MSH6: variants seen among roughly 807,000 people sequenced by gnomAD.
MSH6 encodes mutS homolog 6, also known as DNA mismatch repair protein Msh6.
MSH6 carries 85 observed loss-of-function variants against 119.1 expected under a neutral mutation model. The observed-to-expected ratio is 0.71, with a 90% CI of 0.60 to 0.85. MSH6 has a LOEUF of 0.85. MSH6 is among the 40% of genes least tolerant of loss of function. The pLI, the probability that MSH6 is intolerant of heterozygous loss-of-function variation, is 0.00. For missense variants in MSH6, 2,163 were observed against 1,655.3 expected (o/e 1.31, Z -5.32); for synonymous variants, 830 against 586.9 (o/e 1.41, Z -5.99).
downstream of MSH6, chr2:47,806,965 T>TTTTC: frequency 1.1e-6 from 1 of 911,410 alleles, no homozygotes; most frequent in Admixed American, 2.0e-5. Flanking sequence ...CATTTTTCCA[T>TTTTC]TTTCTTTCTA....
chr2:47,788,922 GTTTTTTTTTTTT>G (rs1558650240), intron 1 of MSH6, among the ~76,000 whole-genome samples: 812 of 40,962 alleles, frequency 0.02, 13 homozygotes, highest in Non-Finnish European at 0.025. Flanking sequence ...TTTTTTTTTT[GTTTTTTTTTTTT>G]TTTTTTTTTT....
chr2:47,783,971 G>C lies in MSH6; in HGVS notation c.260+478G>C, dbSNP rs531348092. ...GAACGGGGAGAGTCCGGTGGTGTGG[G>C]GTGCGAAAGGAGGTTCCTCGGCCGG... On this transcript the variant is annotated intron_variant, in intron 1 of 9. Transcript: ENST00000234420. 354 of 1,038,530 alleles carry C rather than the reference G, an allele frequency of 3.4e-4. 5 individuals are homozygous for C. The East Asian group carries it at 0.018, about 52-fold the overall frequency. 64.3% of individuals were successfully genotyped at this position (1,038,530 alleles called of 1,614,324 possible).
Position 47,798,505 on chromosome 2 carries a change from C to G in MSH6, c.628-106C>G, listed in dbSNP as rs1458768173. ...CTGTACTAAAAATGAAAAACAGTGG[C>G]TGCACGGGTACCATTATAAAGTCAA... On this transcript the variant is annotated intron_variant, in intron 3 of 9. Transcript: ENST00000234420. The G allele has an allele frequency of 1.1e-5, 12 of 1,140,874 alleles. No homozygotes were observed. The East Asian group carries it at 2.0e-4, about 19-fold the overall frequency. The allele number at this position is 1,140,874 out of a possible 1,614,324, so 70.7% of individuals were successfully genotyped here.
intron 2 of MSH6, among the ~76,000 whole-genome samples, chr2:47,791,396 C>G (rs971928452): frequency 2.6e-5 from 4 of 152,052 alleles, no homozygotes; most frequent in Admixed American, 1.3e-4. Flanking sequence ...ACTAAACTGT[C>G]CCCCCATCTT....
chr2:47,807,663 A>T, downstream of MSH6: 1 of 163,420 alleles, frequency 6.1e-6, no homozygotes, highest in Non-Finnish European at 1.2e-5. Flanking sequence ...ATCTGAATAC[A>T]TGTTAAAAAA....
At chr2:47,797,083 G>A (rs1669142261) in intron 3 of MSH6, among the ~76,000 whole-genome samples, 1 of 152,156 alleles carries the variant, frequency 6.6e-6, no homozygotes, top group South Asian at 2.1e-4. Context: ...ACACAAATTT[G>A]TAAACTTTCT....
chr2:47,804,464 A>C (rs1206548937), intron 5 of MSH6, among the ~76,000 whole-genome samples: 4 of 152,070 alleles, frequency 2.6e-5, no homozygotes, highest in Non-Finnish European at 5.9e-5. Flanking sequence ...AGAGAGAGGC[A>C]GTATAGTGTG....
downstream of MSH6, chr2:47,808,326 T>C: frequency 6.2e-7 from 1 of 1,612,518 alleles, no homozygotes; most frequent in Non-Finnish European, 8.5e-7. Context: ...GTGTGCTACA[T>C]ACCTATCATG....
At chr2:47,783,565 T>G (rs2103947773) in intron 1 of MSH6, 72 bp downstream of exon 1, 14 of 1,267,620 alleles carry the variant, frequency 1.1e-5, no homozygotes, top group South Asian at 3.3e-5. Context: ...GAGGGGAGGC[T>G]CGCACAGGGG....
chr2:47,794,603 T>A (rs919941224), intron 2 of MSH6, among the ~76,000 whole-genome samples: 5 of 151,920 alleles, frequency 3.3e-5, no homozygotes, highest in Non-Finnish European at 7.4e-5. Context: ...ACGAACTGTT[T>A]TGAGAAATAA....
At position 47,800,647 on chromosome 2, in the gene MSH6, G is replaced by C. The variant is rs730881798; in HGVS notation, c.2664G>C (p.Lys888Asn). 8 of 1,614,064 alleles carry C rather than the reference G, an allele frequency of 5.0e-6. No individual in the cohort carries two copies. The highest frequency in any genetic ancestry group is 4.0e-5 in the African/African-American group (3 of 74,930). ...VADGFKSKILKQVISLQTKNP... is the reference protein window; with the variant it reads ...VADGFKSKILNQVISLQTKNP... The stretch of plus-strand genomic sequence containing the variant: ...ATGGTTTTAAGTCTAAAATCCTTAA[G>C]CAGGTCATCTCTCTGCAGACAAAAA... Residue 888 changes from lysine (K) to asparagine (N), a missense_variant, in exon 4 of 10, where the codon AAG becomes AAC. Coordinates refer to ENST00000234420, the MANE Select transcript of MSH6 (RefSeq NM_000179.3).
At chr2:47,792,735 T>C (rs1022310219) in intron 2 of MSH6, among the ~76,000 whole-genome samples, 3 of 152,006 alleles carry the variant, frequency 2.0e-5, no homozygotes, top group Non-Finnish European at 4.4e-5. Context: ...GTTGGGATCA[T>C]AGCTCACTGG....
chr2:47,808,764 C>T, downstream of MSH6: 1 of 280,600 alleles, frequency 3.6e-6, no homozygotes, highest in Non-Finnish European at 6.6e-6. Context: ...ACACTTAACC[C>T]CGACATCTTT....
At position 47,783,500 on chromosome 2, in the gene MSH6, G is replaced by A. The variant is rs774479750; in HGVS notation, c.260+7G>A. 3 of 1,425,896 alleles carry A rather than the reference G, an allele frequency of 2.1e-6. No individual in the cohort carries two copies. In the Admixed American group the frequency reaches 9.3e-5, roughly 44 times the overall value. The allele number at this position is 1,425,896 out of a possible 1,614,324, so 88.3% of individuals were successfully genotyped here. On this transcript the variant is annotated splice_region_variant and intron_variant, in intron 1 of 9. Transcript: ENST00000234420. Reference sequence around the variant, plus strand: ...CGCCTGCTGCCCCCACCAGGTAGCGGGGTGGGGGTGGGGTCGAAGGCGGGG... The same window carrying A: ...CGCCTGCTGCCCCCACCAGGTAGCGAGGTGGGGGTGGGGTCGAAGGCGGGG...
Position 47,799,330 on chromosome 2 carries a change from G to A in MSH6, c.1347G>A (p.Leu449=), listed in dbSNP as rs786201760. The change falls in exon 4 of 10, where the codon CTG becomes CTA. Residue 449 remains leucine, a synonymous_variant. Transcript: ENST00000234420. The part of the protein sequence containing the change: ...DALIGVSELG[L]VFMKGNWAHS... ...TTATTGGAGTCAGTGAACTGGGGCT[G>A]GTATTCATGAAAGGCAACTGGGCCC... 4.3e-6 allele frequency: 7 copies of A among 1,613,782 alleles called. No homozygotes were observed. The South Asian group carries it at 4.4e-5, about 10-fold the overall frequency.
chr2:47,796,386 G>A (rs1269333236), intron 3 of MSH6, among the ~76,000 whole-genome samples: 1 of 152,042 alleles, frequency 6.6e-6, no homozygotes, highest in Admixed American at 6.6e-5. Flanking sequence ...TCAGGCCCTA[G>A]AAATTAATTA....
At position 47,798,033 on chromosome 2, in the gene MSH6, C is replaced by T. The variant is rs3136331; in HGVS notation, c.628-578C>T. 936 of 213,334 alleles carry T rather than the reference C, an allele frequency of 4.4e-3. 3 individuals carry two copies. Among genetic ancestry groups the T allele is most frequent in the Non-Finnish European group, 7.0e-3 (718 of 101,904 alleles). 13.2% of individuals were successfully genotyped at this position (213,334 alleles called of 1,614,324 possible). ...TTTCCCTGGGCAGAGAATCCTTGCC[C>T]TTCTTGTATTATGTCACTTTGTGGG... On this transcript the variant is annotated intron_variant, in intron 3 of 9. Coordinates refer to ENST00000234420, the MANE Select transcript of MSH6 (RefSeq NM_000179.3).
Position 47,799,743 on chromosome 2 carries a change from C to T in MSH6, c.1760C>T (p.Ala587Val), listed in dbSNP as rs1060502907. ...RHCSRFRTLV[A>V]HYPPVQVLFE... ...TGTTCGAGATTTAGGACTCTAGTGGCACACTATCCCCCAGTACAAGTTTTA... is the reference window on the plus strand; with the variant it reads ...TGTTCGAGATTTAGGACTCTAGTGGTACACTATCCCCCAGTACAAGTTTTA... Residue 587 changes from alanine to valine, a missense_variant, in exon 4 of 10, where the codon GCA becomes GTA. By Grantham distance (64) the Ala-to-Val change is moderately conservative. Coordinates refer to ENST00000234420, the MANE Select transcript of MSH6 (RefSeq NM_000179.3). 1 of 1,614,150 alleles carries T rather than the reference C, an allele frequency of 6.2e-7. No homozygotes were observed. Among genetic ancestry groups the T allele is most frequent in the Non-Finnish European group, 8.5e-7 (1 of 1,180,024 alleles).
Position 47,790,211 on chromosome 2 carries a change from C to T in MSH6, c.261-716C>T, listed in dbSNP as rs112044701. ...CCAAGGCGGGTGAATCATTTGAGGT[C>T]AGGAGTTTAAGACGAGCCTGGCCAA... is the stretch of plus-strand genomic sequence containing the variant. On this transcript the variant is annotated intron_variant, in intron 1 of 9. Coordinates refer to ENST00000234420, the MANE Select transcript of MSH6 (RefSeq NM_000179.3). 2.2e-4 allele frequency among the ~76,000 whole-genome samples: 33 copies of T among 152,208 alleles called. 1 individual carries two copies. The highest frequency in any genetic ancestry group is 7.9e-4 in the African/African-American group (33 of 41,528).
Sources: gnomAD v4.1 joint callset for allele counts (sites outside exome capture counted in the v4.1 genomes callset) on GRCh38, gnomAD v4.1.1 for gene constraint, MANE v1.5 for transcripts, NCBI Gene and HGNC (gene_info 2026-07-23, HGNC 2026-07-21) for gene names.